Variants in FRMD4A observed in about 807,000 individuals in gnomAD.
FRMD4A encodes FERM domain containing 4A.
Under a neutral mutation model 129.1 loss-of-function variants are expected in FRMD4A, and 29 were observed. The observed-to-expected ratio is 0.22, with a 90% CI of 0.17 to 0.31. The LOEUF (loss-of-function observed/expected upper bound fraction) is 0.31, where lower values mean the gene tolerates loss of function less well. Ranked by LOEUF, FRMD4A falls within the 10% of genes least tolerant of loss-of-function variation. FRMD4A has a pLI of 1.00. For synonymous variants in FRMD4A, 634 were observed against 571.6 expected, an observed-to-expected ratio of 1.11 and a Z score of -1.56; for missense variants, 1,272 against 1,375.8, an observed-to-expected ratio of 0.92 and a Z score of 1.19.
chr10:13,938,444 T>C (rs1437260869), intron 2 of FRMD4A, among the ~76,000 whole-genome samples: 1 of 152,172 alleles, frequency 6.6e-6, no homozygotes, highest in African/African-American at 2.4e-5. Context: ...GGTTTCGCCA[T>C]GTTGCCCAGG....
chr10:14,323,552 T>C (rs1843146752), intron 2 of FRMD4A, among the ~76,000 whole-genome samples: 1 of 149,884 alleles, frequency 6.7e-6, no homozygotes, highest in African/African-American at 2.5e-5. Context: ...GTATACAAGA[T>C]GCACAGACAA....
chr10:14,029,206 A>G (rs1833119124), intron 2 of FRMD4A, among the ~76,000 whole-genome samples: 1 of 151,362 alleles, frequency 6.6e-6, no homozygotes, highest in Admixed American at 6.6e-5. Context: ...CATCTCCTCC[A>G]GCGGGCTTAA....
At chr10:14,218,316 C>T (rs1388358991) in intron 2 of FRMD4A, among the ~76,000 whole-genome samples, 1 of 152,192 alleles carries the variant, frequency 6.6e-6, no homozygotes, top group Admixed American at 6.5e-5. Flanking sequence ...TGACTAACTT[C>T]TTCTTTCATC....
intron 3 of FRMD4A, among the ~76,000 whole-genome samples, chr10:13,848,609 C>CGTGTGT (rs59271113): frequency 0.013 from 1,571 of 124,018 alleles, 17 homozygotes; most frequent in Middle Eastern, 0.015. Flanking sequence ...TGTGTGTGTA[C>CGTGTGT]GTGTGTGTGT....
intron 2 of FRMD4A, among the ~76,000 whole-genome samples, chr10:13,944,625 C>T (rs2095318447): frequency 6.6e-6 from 1 of 152,140 alleles, no homozygotes; most frequent in South Asian, 2.1e-4. Flanking sequence ...CACCCTTCAA[C>T]AGAACATGAC....
Position 14,021,099 on chromosome 10 carries a change from G to T in FRMD4A, c.46-162187C>A, listed in dbSNP as rs1832724274. On this transcript the variant is annotated intron_variant, in intron 2 of 24. Coordinates refer to ENST00000357447, the MANE Select transcript of FRMD4A (RefSeq NM_018027.5). ...AAACTGAAGCTCACAAAGACGAAATGCTTGCCAACAATCTCACATCTAGGA... is the reference window on the plus strand; with the variant it reads ...AAACTGAAGCTCACAAAGACGAAATTCTTGCCAACAATCTCACATCTAGGA... Among the ~76,000 whole-genome samples the T allele has an allele frequency of 2.0e-5, 3 of 152,082 alleles. No homozygotes were observed. In the South Asian group the frequency reaches 6.2e-4, roughly 32 times the overall value.
chr10:14,127,939 T>C (rs1838946443), intron 2 of FRMD4A, among the ~76,000 whole-genome samples: 1 of 11,498 alleles, frequency 8.7e-5, no homozygotes, highest in African/African-American at 6.0e-4. Flanking sequence ...TCTTTCTTTC[T>C]TTCTTTCTTT....
At chr10:14,034,827 C>A (rs180777437) in intron 2 of FRMD4A, among the ~76,000 whole-genome samples, 26 of 152,346 alleles carry the variant, frequency 1.7e-4, no homozygotes, top group African/African-American at 6.0e-4. Context: ...TGCCTCCCCT[C>A]ATTGGCTTTC....
intron 2 of FRMD4A, among the ~76,000 whole-genome samples, chr10:13,891,221 C>T (rs1276162988): frequency 6.6e-6 from 1 of 152,162 alleles, no homozygotes; most frequent in Non-Finnish European, 1.5e-5. Flanking sequence ...CGATCGGCTG[C>T]TGGCCCCCGC....
At chr10:13,862,621 T>C (rs2094309915) in intron 2 of FRMD4A, among the ~76,000 whole-genome samples, 1 of 152,208 alleles carries the variant, frequency 6.6e-6, no homozygotes, top group African/African-American at 2.4e-5. Context: ...GAAAGCAAAA[T>C]GTCTCTGCAA....
chr10:14,084,089 G>T (rs1321674260), intron 2 of FRMD4A, among the ~76,000 whole-genome samples: 1 of 152,210 alleles, frequency 6.6e-6, no homozygotes, highest in Non-Finnish European at 1.5e-5. Flanking sequence ...AGCACTCACA[G>T]CCCTGACTGC....
chr10:14,021,509 A>T (rs549357003), intron 2 of FRMD4A, among the ~76,000 whole-genome samples: 2 of 152,296 alleles, frequency 1.3e-5, no homozygotes, highest in East Asian at 3.9e-4. Context: ...GTGAGCCAAC[A>T]TCATGTCACC....
intron 2 of FRMD4A, among the ~76,000 whole-genome samples, chr10:14,309,472 AAACAAC>A (rs919590081): frequency 3.3e-5 from 5 of 152,074 alleles, no homozygotes; most frequent in Admixed American, 6.5e-5. Flanking sequence ...AAAACAAAAC[AAACAAC>A]AACAACAACA....
chr10:13,798,995 C>T (rs2093189702), intron 4 of FRMD4A, among the ~76,000 whole-genome samples: 1 of 152,178 alleles, frequency 6.6e-6, no homozygotes, highest in South Asian at 2.1e-4. Flanking sequence ...ACTCAGCTCT[C>T]ACGTCTCCGC....
chr10:14,297,137 A>ATTTTT (rs34998308), intron 2 of FRMD4A, among the ~76,000 whole-genome samples: 2 of 146,918 alleles, frequency 1.4e-5, no homozygotes, highest in Non-Finnish European at 1.5e-5. Context: ...TCTCTTTCTC[A>ATTTTT]TTTTTTTTTT....
intron 2 of FRMD4A, among the ~76,000 whole-genome samples, chr10:13,935,446 CAAAAAAAAAAAAAAA>C (rs71388135): frequency 2.7e-5 from 1 of 36,404 alleles, no homozygotes; most frequent in Admixed American, 4.6e-4. Context: ...AACTCCATCT[CAAAAAAAAAAAAAAA>C]AAAAAAAAAA....
intron 8 of FRMD4A, among the ~76,000 whole-genome samples, chr10:13,756,705 A>G (rs554815937): frequency 6.6e-6 from 1 of 152,290 alleles, no homozygotes; most frequent in South Asian, 2.1e-4. Flanking sequence ...ACATTTTTAG[A>G]AAGATCAGAA....
chr10:13,758,220 T>G (rs2091938002), intron 8 of FRMD4A, among the ~76,000 whole-genome samples: 1 of 152,228 alleles, frequency 6.6e-6, no homozygotes, highest in Admixed American at 6.5e-5. Flanking sequence ...AAGTTTTAGA[T>G]TCAGGACCTT....
At chr10:13,673,769 CTT>C (rs1156236426) in intron 16 of FRMD4A, among the ~76,000 whole-genome samples, 49 of 94,278 alleles carry the variant, frequency 5.2e-4, no homozygotes, top group African/African-American at 1.8e-3. Flanking sequence ...GAAAGCATTG[CTT>C]TTTTTTTTTT....
Sources: allele counts gnomAD v4.1 joint callset (sites outside exome capture counted in the v4.1 genomes callset), GRCh38; gene constraint gnomAD v4.1.1; transcripts MANE v1.5; gene names NCBI Gene and HGNC (gene_info 2026-07-23, HGNC 2026-07-21).